APBA1: variants seen among roughly 807,000 people sequenced by gnomAD.
APBA1 encodes the protein amyloid beta precursor protein binding family A member 1.
In APBA1, 55 loss-of-function variants were observed where a neutral mutation model predicts 86.6. The ratio of observed to expected loss-of-function variants is 0.64; its 90% CI spans 0.51 to 0.80. The LOEUF (loss-of-function observed/expected upper bound fraction) is 0.80, where lower values mean the gene tolerates loss of function less well. Among genes scored for constraint, APBA1 ranks in the 30% least tolerant of loss-of-function variants. The pLI is 0.00. For missense variants in APBA1, 1,090 were observed against 1,183.0 expected, an observed-to-expected ratio of 0.92 and a Z score of 1.15; for synonymous variants, 511 against 493.9, an observed-to-expected ratio of 1.03 and a Z score of -0.46.
At chr9:69,631,038 G>T (rs927225903) in intron 1 of APBA1, among the ~76,000 whole-genome samples, 1 of 152,186 alleles carries the variant, frequency 6.6e-6, no homozygotes, top group African/African-American at 2.4e-5. Flanking sequence ...ATTTTTAACA[G>T]CAGCCTTGCA....
At chr9:69,541,577 G>T (rs1836614923) in intron 1 of APBA1, among the ~76,000 whole-genome samples, 1 of 148,942 alleles carries the variant, frequency 6.7e-6, no homozygotes. Flanking sequence ...TCTTGCTGTG[G>T]AGTTGTAGGT....
chr9:69,652,039 T>C (rs2134016732), intron 1 of APBA1, among the ~76,000 whole-genome samples: 1 of 152,206 alleles, frequency 6.6e-6, no homozygotes, highest in African/African-American at 2.4e-5. Context: ...ACCAGGGATG[T>C]ACACACAGAG....
At chr9:69,433,165 G>C (rs993673847) in intron 11 of APBA1, among the ~76,000 whole-genome samples, 7 of 152,208 alleles carry the variant, frequency 4.6e-5, no homozygotes, top group African/African-American at 1.7e-4. Flanking sequence ...GGCTGGAGGG[G>C]AGAGACTCCT....
intron 5 of APBA1, among the ~76,000 whole-genome samples, chr9:69,460,196 C>T (rs1045230922): frequency 1.3e-5 from 2 of 152,302 alleles, no homozygotes; most frequent in African/African-American, 2.4e-5. Flanking sequence ...CTGGTACACC[C>T]GGGAAACCAG....
intron 1 of APBA1, among the ~76,000 whole-genome samples, chr9:69,553,670 C>T (rs1404960650): frequency 2.6e-5 from 4 of 152,242 alleles, no homozygotes; most frequent in Non-Finnish European, 4.4e-5. Flanking sequence ...TGACAGATTT[C>T]CATGGGGGTT....
intron 1 of APBA1, among the ~76,000 whole-genome samples, chr9:69,608,638 T>A (rs1046404127): frequency 6.6e-6 from 1 of 152,188 alleles, no homozygotes; most frequent in African/African-American, 2.4e-5. Context: ...TAAATACTGT[T>A]GCCTTTAAGA....
chr9:69,611,195 C>G (rs1196761236), intron 1 of APBA1, among the ~76,000 whole-genome samples: 5 of 145,952 alleles, frequency 3.4e-5, no homozygotes, highest in Non-Finnish European at 6.0e-5. Flanking sequence ...TCATATCAAA[C>G]AGGTCAAAAT....
chr9:69,590,949 T>C (rs1361218614), intron 1 of APBA1, among the ~76,000 whole-genome samples: 1 of 152,208 alleles, frequency 6.6e-6, no homozygotes, highest in African/African-American at 2.4e-5. Context: ...TGCTGAAAGT[T>C]TTCTGCCAAG....
chr9:69,516,546 T>A lies in APBA1; in HGVS notation c.665A>T (p.Glu222Val). ...GLRLYEQERD[E>V]AAAYRQEALG... ...GGCCTCCTGGCGGTACGCGGCCGCC[T>A]CGTCGCGCTCCTGCTCGTAGAGCCG... is the stretch of plus-strand genomic sequence containing the variant. Residue 222 changes from glutamate (E) to valine (V), a missense_variant, in exon 2 of 13, where the codon GAG becomes GTG. Physicochemically the swap from Glu to Val is moderately radical, Grantham distance 121. Coordinates refer to ENST00000265381, the MANE Select transcript of APBA1 (RefSeq NM_001163.4). This position sits in a 1 kb window ranked among gnomAD's most constrained non-coding sequence, Gnocchi z 7.3. 1 of 1,596,116 alleles carries A rather than the reference T, an allele frequency of 6.3e-7. No homozygotes were observed. The highest frequency in any genetic ancestry group is 8.5e-7 in the Non-Finnish European group (1 of 1,177,014).
chr9:69,635,668 T>C (rs1308025726), intron 1 of APBA1, among the ~76,000 whole-genome samples: 1 of 151,730 alleles, frequency 6.6e-6, no homozygotes, highest in Admixed American at 6.6e-5. Context: ...TCCATGTAAA[T>C]GGAAACCAAA....
At chr9:69,567,411 T>A (rs1000303948) in intron 1 of APBA1, among the ~76,000 whole-genome samples, 3 of 152,098 alleles carry the variant, frequency 2.0e-5, no homozygotes, top group Non-Finnish European at 4.4e-5. Context: ...TGAATTTTTT[T>A]ATTTTTTTAT....
At chr9:69,534,580 A>C (rs1004999761) in intron 1 of APBA1, among the ~76,000 whole-genome samples, 3 of 152,206 alleles carry the variant, frequency 2.0e-5, no homozygotes, top group African/African-American at 7.2e-5. Context: ...TAGGAAGTTA[A>C]GTTTTAATAC....
At chr9:69,595,750 C>A (rs868396883) in intron 1 of APBA1, among the ~76,000 whole-genome samples, 2 of 152,270 alleles carry the variant, frequency 1.3e-5, no homozygotes, top group South Asian at 2.1e-4. Context: ...TAAGGAAACA[C>A]CCTGAGGGAA....
intron 10 of APBA1, among the ~76,000 whole-genome samples, chr9:69,444,057 G>A (rs1351038211): frequency 6.6e-6 from 1 of 152,008 alleles, no homozygotes; most frequent in Admixed American, 6.6e-5. Flanking sequence ...AATTTTGATG[G>A]AACTCAATTT....
At chr9:69,476,797 A>T (rs964811783) in intron 2 of APBA1, among the ~76,000 whole-genome samples, 1 of 152,204 alleles carries the variant, frequency 6.6e-6, no homozygotes, top group African/African-American at 2.4e-5. Flanking sequence ...GGCTTAGAAA[A>T]ATAGGCTCAG....
chr9:69,606,637 G>A (rs980275015), intron 1 of APBA1, among the ~76,000 whole-genome samples: 14 of 151,606 alleles, frequency 9.2e-5, no homozygotes, highest in African/African-American at 1.2e-4. Context: ...GACTACAGGC[G>A]CCCACCACCA....
chr9:69,506,360 C>T (rs28769886), intron 2 of APBA1, among the ~76,000 whole-genome samples: 11 of 136,630 alleles, frequency 8.1e-5, no homozygotes, highest in African/African-American at 1.7e-4. Context: ...CTTTTCGGAC[C>T]GGCTTAAAAA....
intron 1 of APBA1, among the ~76,000 whole-genome samples, chr9:69,646,769 A>G (rs537490948): frequency 6.6e-5 from 10 of 152,304 alleles, no homozygotes; most frequent in Non-Finnish European, 1.0e-4. Context: ...TGGCTTTATT[A>G]ATAACAGAGC....
At chr9:69,530,931 T>C (rs1354086956) in intron 1 of APBA1, among the ~76,000 whole-genome samples, 1 of 152,210 alleles carries the variant, frequency 6.6e-6, no homozygotes, top group African/African-American at 2.4e-5. Context: ...CCCTTCTGGA[T>C]CATCACAGTC....
Sources: allele counts gnomAD v4.1 joint callset (sites outside exome capture counted in the v4.1 genomes callset), GRCh38; gene constraint gnomAD v4.1.1; non-coding constraint Gnocchi (gnomAD v3.1); transcripts MANE v1.5; gene names NCBI Gene and HGNC (gene_info 2026-07-23, HGNC 2026-07-21).